SVIL: variants seen among roughly 807,000 people sequenced by gnomAD.
SVIL encodes the protein archvillin.
In SVIL, 101 loss-of-function variants were observed where a neutral mutation model predicts 240.4. The observed-to-expected ratio is 0.42, with a 90% CI of 0.36 to 0.50. The LOEUF (loss-of-function observed/expected upper bound fraction) is 0.50. Ranked by LOEUF, SVIL falls within the 20% of genes least tolerant of loss-of-function variation. The pLI is 0.01. For synonymous variants in SVIL, 999 were observed against 1,100.0 expected (o/e 0.91, Z 1.82); for missense variants, 2,512 against 2,818.7 (o/e 0.89, Z 2.46).
intron 1 of SVIL, among the ~76,000 whole-genome samples, chr10:29,610,569 C>T (rs559787833): frequency 5.9e-5 from 9 of 151,774 alleles, no homozygotes; most frequent in African/African-American, 2.2e-4. Context: ...TCCAGGCATG[C>T]TCCACTATGC....
intron 1 of SVIL, among the ~76,000 whole-genome samples, chr10:29,586,809 C>T (rs1453218613): frequency 6.6e-6 from 1 of 152,146 alleles, no homozygotes; most frequent in Admixed American, 6.5e-5. Flanking sequence ...CCAAATACTA[C>T]TTGTTCTCAC....
At chr10:29,719,648 T>A (rs536993097) in intron 1 of SVIL, among the ~76,000 whole-genome samples, 1 of 152,282 alleles carries the variant, frequency 6.6e-6, no homozygotes, top group Admixed American at 6.5e-5. Flanking sequence ...CAAATCAAAT[T>A]TCTAGAAATA....
chr10:29,599,208 G>A (rs1397236318), intron 1 of SVIL, among the ~76,000 whole-genome samples: 2 of 152,186 alleles, frequency 1.3e-5, no homozygotes, highest in South Asian at 2.1e-4. Flanking sequence ...GTCTGGGCAA[G>A]TAAGAGATGA....
chr10:29,517,465 G>T (rs1950285697), intron 16 of SVIL, among the ~76,000 whole-genome samples: 1 of 152,144 alleles, frequency 6.6e-6, no homozygotes, highest in African/African-American at 2.4e-5. Flanking sequence ...AAAAGAAAAG[G>T]AGGGAGTAAA....
intron 29 of SVIL, among the ~76,000 whole-genome samples, chr10:29,476,471 G>T (rs1175829017): frequency 6.6e-6 from 1 of 152,150 alleles, no homozygotes; most frequent in Non-Finnish European, 1.5e-5. Flanking sequence ...GGAGTGCAGT[G>T]GTATGACCAT....
At chr10:29,584,617 C>A (rs1393476156) in intron 1 of SVIL, among the ~76,000 whole-genome samples, 1 of 152,206 alleles carries the variant, frequency 6.6e-6, no homozygotes, top group Non-Finnish European at 1.5e-5. Context: ...CACAACAGAA[C>A]CCCGTGCCTC....
intron 1 of SVIL, among the ~76,000 whole-genome samples, chr10:29,622,879 G>A (rs1957717842): frequency 6.6e-6 from 1 of 152,178 alleles, no homozygotes; most frequent in South Asian, 2.1e-4. Context: ...TGAGCTTGGA[G>A]CATTCAACTC....
At chr10:29,517,246 C>T (rs1950264746) in intron 16 of SVIL, among the ~76,000 whole-genome samples, 1 of 151,648 alleles carries the variant, frequency 6.6e-6, no homozygotes, top group African/African-American at 2.4e-5. Flanking sequence ...GACCCCGTCT[C>T]TACAAAAAAA....
At chr10:29,519,199 G>A (rs1183165588) in intron 16 of SVIL, among the ~76,000 whole-genome samples, 3 of 152,196 alleles carry the variant, frequency 2.0e-5, no homozygotes, top group Non-Finnish European at 4.4e-5. Context: ...CTGCTGTCTA[G>A]CTGGGATTTC....
Position 29,477,696 on chromosome 10 carries a change from T to A in SVIL, c.5377+2841A>T, listed in dbSNP as rs576715552. ...CCATCGGGCTGTGCTTCCCCCCTGC[T>A]GGAGGGATGGTCTGGAATCTGAATG... On this transcript the variant is annotated intron_variant, in intron 29 of 37. Transcript: ENST00000355867. 2.0e-5 allele frequency among the ~76,000 whole-genome samples: 3 copies of A among 152,338 alleles called. No individual in the cohort carries two copies. The South Asian group carries it at 6.2e-4, about 32-fold the overall frequency.
intron 12 of SVIL, among the ~76,000 whole-genome samples, chr10:29,527,551 T>C (rs922323346): frequency 1.7e-4 from 25 of 144,830 alleles, no homozygotes; most frequent in Middle Eastern, 8.3e-3. Context: ...CTCAGCCTCC[T>C]GAGTAGCTGG....
chr10:29,540,853 A>G (rs1463976069), intron 6 of SVIL, among the ~76,000 whole-genome samples: 5 of 152,236 alleles, frequency 3.3e-5, no homozygotes. Context: ...AATGAACAAT[A>G]TCAAATCAAA....
chr10:29,601,952 T>C (rs1476202394), intron 1 of SVIL, among the ~76,000 whole-genome samples: 2 of 152,206 alleles, frequency 1.3e-5, no homozygotes, highest in Non-Finnish European at 2.9e-5. Context: ...GAGTCCTTTA[T>C]TCTCCTAATT....
chr10:29,646,462 G>T (rs756232102), intron 3 of SVIL, among the ~76,000 whole-genome samples: 1 of 152,190 alleles, frequency 6.6e-6, no homozygotes, highest in Non-Finnish European at 1.5e-5. Flanking sequence ...TTACTGGCCC[G>T]TATGGTAAGC....
At chr10:29,725,827 C>T (rs183863685) in intron 1 of SVIL, among the ~76,000 whole-genome samples, 96 of 152,338 alleles carry the variant, frequency 6.3e-4, no homozygotes, top group African/African-American at 2.3e-3. Context: ...TAATTACAGA[C>T]ACTGAGGAAC....
At chr10:29,537,605 T>A (rs1951834071) in intron 6 of SVIL, among the ~76,000 whole-genome samples, 1 of 152,242 alleles carries the variant, frequency 6.6e-6, no homozygotes, top group Non-Finnish European at 1.5e-5. Flanking sequence ...CTCAAAACTT[T>A]ATGAGCCTAT....
chr10:29,634,361 A>AAAAG (rs1958228433), intron 1 of SVIL, 59 bp downstream of exon 1: 3 of 152,066 alleles, frequency 2.0e-5, no homozygotes, highest in Admixed American at 6.6e-5. Flanking sequence ...AAAAGCAAAA[A>AAAAG]CAAAAACAAC....
chr10:29,492,520 T>C (rs372684287), intron 21 of SVIL, among the ~76,000 whole-genome samples: 33 of 151,924 alleles, frequency 2.2e-4, no homozygotes, highest in African/African-American at 7.7e-4. Context: ...GTTCAGTGGC[T>C]GAGCCGGCAA....
chr10:29,498,088 C>CAAAAAAAAAAAAAAAAAA, intron 18 of SVIL, among the ~76,000 whole-genome samples: 1 of 37,482 alleles, frequency 2.7e-5, no homozygotes, highest in Non-Finnish European at 6.8e-5. Flanking sequence ...TCCCCTCCAC[C>CAAAAAAAAAAAAAAAAAA]AAAAAAAAAA....
Sources: allele counts gnomAD v4.1 joint callset (sites outside exome capture counted in the v4.1 genomes callset), GRCh38; gene constraint gnomAD v4.1.1; transcripts MANE v1.5; gene names NCBI Gene and HGNC (gene_info 2026-07-23, HGNC 2026-07-21).